ARMC3: variants seen among roughly 807,000 people sequenced by gnomAD.
The protein encoded by ARMC3 is armadillo repeat-containing protein 3.
In ARMC3, 74 loss-of-function variants were observed where a neutral mutation model predicts 90.3. The observed-to-expected ratio is 0.82, with a 90% CI of 0.68 to 0.99. ARMC3 has a LOEUF of 0.99. ARMC3 is among the 50% of genes least tolerant of loss of function. ARMC3 has a pLI of 0.00. For synonymous variants in ARMC3, 334 were observed against 361.8 expected, an observed-to-expected ratio of 0.92 and a Z score of 0.87; for missense variants, 958 against 1,042.8, an observed-to-expected ratio of 0.92 and a Z score of 1.12.
chr10:23,030,162 C>A (rs1177081970), intron 16 of ARMC3, among the ~76,000 whole-genome samples: 1 of 152,124 alleles, frequency 6.6e-6, no homozygotes, highest in Non-Finnish European at 1.5e-5. Flanking sequence ...ATAAAATTCT[C>A]CAATTGTCAT....
intron 12 of ARMC3, among the ~76,000 whole-genome samples, chr10:23,002,574 CTTTCTTTCT>C (rs1564385720): frequency 2.6e-4 from 14 of 54,624 alleles, no homozygotes; most frequent in Admixed American, 1.0e-3. Flanking sequence ...TTCTTTCTTT[CTTTCTTTCT>C]TTTTCTTTCT....
At chr10:22,934,753 T>G (rs1467948167) in intron 2 of ARMC3, among the ~76,000 whole-genome samples, 1 of 152,136 alleles carries the variant, frequency 6.6e-6, no homozygotes, top group East Asian at 1.9e-4. Context: ...GAAGGTTAGA[T>G]CAATGTAAAA....
chr10:22,959,372 CTTGTG>C, intron 5 of ARMC3, 22 bp from the exon 6 acceptor site: 1 of 1,577,284 alleles, frequency 6.3e-7, no homozygotes, highest in East Asian at 2.2e-5. Context: ...AGTTGGCATA[CTTGTG>C]TTATTTATTT....
intron 1 of ARMC3, 47 bp from the exon 2 acceptor site, chr10:22,931,949 A>G (rs1340613114): frequency 4.6e-6 from 7 of 1,515,238 alleles, no homozygotes; most frequent in African/African-American, 1.4e-5. Context: ...TAATTGAGAA[A>G]TGTATGTGCA....
At chr10:23,020,014 T>C (rs1305730173) in intron 16 of ARMC3, among the ~76,000 whole-genome samples, 1 of 152,252 alleles carries the variant, frequency 6.6e-6, no homozygotes, top group East Asian at 1.9e-4. Context: ...TACCACAGTA[T>C]ATGTCCACTC....
chr10:23,005,107 G>A (rs1034640405), intron 13 of ARMC3, among the ~76,000 whole-genome samples: 3 of 151,674 alleles, frequency 2.0e-5, no homozygotes, highest in Non-Finnish European at 2.9e-5. Flanking sequence ...CAGCTACTCC[G>A]GAGGCTGAGG....
chr10:23,005,969 G>A (rs1053561440), intron 13 of ARMC3, among the ~76,000 whole-genome samples: 2 of 152,146 alleles, frequency 1.3e-5, no homozygotes, highest in Non-Finnish European at 2.9e-5. Flanking sequence ...CCTGAGGTGG[G>A]CGGTTGCAAT....
At chr10:23,014,106 C>A (rs1342781802) in intron 16 of ARMC3, 42 of 1,550,270 alleles carry the variant, frequency 2.7e-5, no homozygotes, top group Non-Finnish European at 3.7e-5. Context: ...GCAGCTCACT[C>A]CCCACTTCAA....
intron 2 of ARMC3, among the ~76,000 whole-genome samples, chr10:22,943,856 C>T (rs1465423731): frequency 6.6e-6 from 1 of 151,890 alleles, no homozygotes; most frequent in Admixed American, 6.6e-5. Flanking sequence ...ATAGCTTGAA[C>T]CCAGGAGGTG....
chr10:22,968,196 C>CA, intron 7 of ARMC3, 110 bp from the exon 8 acceptor site: 1 of 1,024,904 alleles, frequency 9.8e-7, no homozygotes, highest in Non-Finnish European at 1.4e-6. Flanking sequence ...TCTGTCACAA[C>CA]AAAAATCATG....
chr10:23,013,354 T>A (rs1302950005), intron 16 of ARMC3, among the ~76,000 whole-genome samples: 1 of 152,206 alleles, frequency 6.6e-6, no homozygotes, highest in Admixed American at 6.5e-5. Context: ...TTTATTTTCT[T>A]TACAGCTTTG....
intron 16 of ARMC3, among the ~76,000 whole-genome samples, chr10:23,029,502 T>A (rs1838838112): frequency 6.6e-6 from 1 of 152,088 alleles, no homozygotes; most frequent in South Asian, 2.1e-4. Context: ...ACTCATTAAT[T>A]AGGGAGGGAA....
chr10:23,015,994 T>TA (rs1564398502), intron 16 of ARMC3, among the ~76,000 whole-genome samples: 5 of 151,990 alleles, frequency 3.3e-5, no homozygotes. Context: ...AACAAAGAAA[T>TA]ACACACACTC....
chr10:23,017,001 T>C (rs1373101256), intron 16 of ARMC3, among the ~76,000 whole-genome samples: 1 of 152,230 alleles, frequency 6.6e-6, no homozygotes, highest in East Asian at 1.9e-4. Flanking sequence ...CTTCCTGCAC[T>C]TCTAATTGAC....
chr10:23,018,514 ATTTT>A (rs5783816), intron 16 of ARMC3, among the ~76,000 whole-genome samples: 2 of 115,484 alleles, frequency 1.7e-5, no homozygotes, highest in Non-Finnish European at 1.7e-5. Context: ...CACCTTAGTA[ATTTT>A]TTTTTTTTTT....
chr10:22,979,112 A>G (rs1836073437), intron 8 of ARMC3, among the ~76,000 whole-genome samples: 2 of 152,348 alleles, frequency 1.3e-5, no homozygotes, highest in Admixed American at 1.3e-4. Context: ...CACAATAGCA[A>G]CTTCTGAGAA....
At chr10:22,984,601 A>C (rs1199167960) in intron 10 of ARMC3, among the ~76,000 whole-genome samples, 2 of 152,190 alleles carry the variant, frequency 1.3e-5, no homozygotes, top group South Asian at 2.1e-4. Flanking sequence ...CAAATATAAT[A>C]AAATAGTATG....
chr10:22,946,200 T>C lies in ARMC3; in HGVS notation c.105T>C (p.Asn35=). Reference sequence around the variant, plus strand: ...CAGCAACTGTGGTGTTAATGCTTAATTCTCCAGAAGAGGAAATTTTGGCTA... The same window carrying C: ...CAGCAACTGTGGTGTTAATGCTTAACTCTCCAGAAGAGGAAATTTTGGCTA... ...KKAATVVLML[N]SPEEEILAKA... The change falls in exon 3 of 19, where the codon AAT becomes AAC. Residue 35 remains asparagine, a synonymous_variant. Coordinates refer to ENST00000298032, the MANE Select transcript of ARMC3 (RefSeq NM_173081.5). 1 of 1,613,464 alleles carries C rather than the reference T, an allele frequency of 6.2e-7. No individual in the cohort carries two copies. The highest frequency in any genetic ancestry group is 8.5e-7 in the Non-Finnish European group (1 of 1,179,750).
chr10:23,030,799 A>G lies in ARMC3; in HGVS notation c.2246+3A>G. On this transcript the variant is annotated splice_donor_region_variant and intron_variant, in intron 17 of 18. Coordinates refer to ENST00000298032, the MANE Select transcript of ARMC3 (RefSeq NM_173081.5). ...GAACAGATTGAGGATCTGGCAAAGT[A>G]AGTTGTCTATGTATATATGTGTTTT... 1.2e-6 allele frequency: 2 copies of G among 1,613,266 alleles called. No individual in the cohort carries two copies. Among genetic ancestry groups the G allele is most frequent in the African/African-American group, 2.7e-5 (2 of 75,012 alleles).
Sources: allele counts gnomAD v4.1 joint callset (sites outside exome capture counted in the v4.1 genomes callset), GRCh38; gene constraint gnomAD v4.1.1; transcripts MANE v1.5; gene names NCBI Gene and HGNC (gene_info 2026-07-23, HGNC 2026-07-21).